The following CCBE1 variants were observed in gnomAD, a reference collection of about 807,000 sequenced individuals.
CCBE1 encodes the protein collagen and calcium binding EGF domains 1.
A neutral mutation model predicts 50.0 loss-of-function variants in CCBE1; 37 were observed. The observed-to-expected ratio is 0.74, with a 90% CI of 0.57 to 0.97. The LOEUF (loss-of-function observed/expected upper bound fraction) is 0.97, where lower values mean the gene tolerates loss of function less well. Among genes scored for constraint, CCBE1 ranks in the 50% least tolerant of loss-of-function variants. CCBE1 has a pLI of 0.00. For synonymous variants in CCBE1, 234 were observed against 203.7 expected, an observed-to-expected ratio of 1.15 and a Z score of -1.27; for missense variants, 538 against 523.8, an observed-to-expected ratio of 1.03 and a Z score of -0.26.
At chr18:59,670,829 TC>T (rs1274358587) in intron 2 of CCBE1, among the ~76,000 whole-genome samples, 1 of 152,038 alleles carries the variant, frequency 6.6e-6, no homozygotes, top group Non-Finnish European at 1.5e-5. Flanking sequence ...GCACCTGTAA[TC>T]CCAGCTACTT....
intron 2 of CCBE1, among the ~76,000 whole-genome samples, chr18:59,546,530 G>A (rs903138245): frequency 2.0e-5 from 3 of 152,206 alleles, no homozygotes; most frequent in Non-Finnish European, 4.4e-5. Context: ...TGCAGGAAAG[G>A]CCATATGAAG....
intron 7 of CCBE1, among the ~76,000 whole-genome samples, chr18:59,443,841 T>C (rs1910552738): frequency 6.6e-6 from 1 of 152,150 alleles, no homozygotes; most frequent in Admixed American, 6.5e-5. Context: ...AACAGATCTC[T>C]ATAACTTTCT....
intron 2 of CCBE1, among the ~76,000 whole-genome samples, chr18:59,555,601 G>A (rs952771198): frequency 3.0e-4 from 46 of 152,296 alleles, no homozygotes; most frequent in African/African-American, 9.9e-4. Flanking sequence ...TGCTCAGAAC[G>A]TGCAGAAGTT....
intron 2 of CCBE1, among the ~76,000 whole-genome samples, chr18:59,546,516 C>G (rs899558753): frequency 6.6e-6 from 1 of 152,192 alleles, no homozygotes; most frequent in Admixed American, 6.5e-5. Flanking sequence ...GAGGCCCAGT[C>G]CCCTGCAGGA....
intron 2 of CCBE1, among the ~76,000 whole-genome samples, chr18:59,694,401 C>G (rs1450625738): frequency 6.6e-6 from 1 of 151,152 alleles, no homozygotes; most frequent in Non-Finnish European, 1.5e-5. Context: ...TTTAGTTTAA[C>G]CTTTAGTTTA....
At chr18:59,617,664 CA>C (rs1020587947) in intron 2 of CCBE1, among the ~76,000 whole-genome samples, 35 of 152,334 alleles carry the variant, frequency 2.3e-4, no homozygotes, top group African/African-American at 7.9e-4. Context: ...GCCTTTGACT[CA>C]GGATACACAC....
intron 2 of CCBE1, among the ~76,000 whole-genome samples, chr18:59,654,657 T>G (rs1196019669): frequency 6.6e-6 from 1 of 151,640 alleles, no homozygotes; most frequent in African/African-American, 2.4e-5. Context: ...CCGGGCATGG[T>G]CGCACGCACC....
At chr18:59,480,040 A>C in intron 3 of CCBE1, 146 bp downstream of exon 3, 1 of 628,842 alleles carries the variant, frequency 1.6e-6, no homozygotes, top group South Asian at 2.2e-5. Flanking sequence ...GGCGTCAGAA[A>C]AATTTGATGC....
At position 59,628,071 on chromosome 18, in the gene CCBE1, G is replaced by T. The variant is rs186901189; in HGVS notation, c.212+68558C>A. Among the ~76,000 whole-genome samples the T allele has an allele frequency of 2.0e-5, 3 of 152,148 alleles. No homozygotes were observed. In the East Asian group the frequency reaches 5.8e-4, roughly 29 times the overall value. On this transcript the variant is annotated intron_variant, in intron 2 of 10. Coordinates refer to ENST00000439986, the MANE Select transcript of CCBE1 (RefSeq NM_133459.4). The stretch of plus-strand genomic sequence containing the variant: ...CTACAAAAAATACAAAAAATTATCC[G>T]AGTGTGGTGGTGCATGCCTGTAGTC...
rs533759403 is a variant in CCBE1, at chr18:59,673,257, C to T, written c.212+23372G>A. Among the ~76,000 whole-genome samples, 11 of 152,260 alleles carry T rather than the reference C, an allele frequency of 7.2e-5. No individual in the cohort carries two copies. The South Asian group carries it at 2.1e-3, about 29-fold the overall frequency. On this transcript the variant is annotated intron_variant, in intron 2 of 10. Transcript: ENST00000439986. ...CTTGAGGTCAGGAGTTTGAGACCAG[C>T]CTGGCCAACACGGCATAACCCTGTC...
At chr18:59,550,998 C>CAAAAAAAAAAAAAAA (rs555160847) in intron 2 of CCBE1, among the ~76,000 whole-genome samples, 137 of 71,372 alleles carry the variant, frequency 1.9e-3, no homozygotes, top group Non-Finnish European at 2.3e-3. Flanking sequence ...CAGCGAGACT[C>CAAAAAAAAAAAAAAA]AAAAAAAAAA....
Position 59,576,741 on chromosome 18 carries a change from T to C in CCBE1, c.213-96503A>G, listed in dbSNP as rs117010247. On this transcript the variant is annotated intron_variant, in intron 2 of 10. Transcript: ENST00000439986. Reference sequence around the variant, plus strand: ...TCCCTCCAATGCTTCTGTCTTGGTGTGAAACAAATGACTTCAGAAACACAG... The same window carrying C: ...TCCCTCCAATGCTTCTGTCTTGGTGCGAAACAAATGACTTCAGAAACACAG... Among the ~76,000 whole-genome samples the C allele has an allele frequency of 1.9e-3, 296 of 152,332 alleles. 4 individuals carry two copies. In the East Asian group the frequency reaches 0.03, roughly 15 times the overall value.
At chr18:59,456,004 T>A (rs1402533797) in intron 5 of CCBE1, among the ~76,000 whole-genome samples, 1 of 152,258 alleles carries the variant, frequency 6.6e-6, no homozygotes, top group Non-Finnish European at 1.5e-5. Flanking sequence ...TGCTTCTTAC[T>A]GTTCCTCTCT....
intron 2 of CCBE1, among the ~76,000 whole-genome samples, chr18:59,590,152 C>A (rs528317745): frequency 6.6e-6 from 1 of 152,282 alleles, no homozygotes; most frequent in Admixed American, 6.5e-5. Context: ...TACTTCTTAA[C>A]ATTAACATTC....
intron 2 of CCBE1, among the ~76,000 whole-genome samples, chr18:59,526,348 C>G (rs1179986901): frequency 6.9e-6 from 1 of 145,802 alleles, no homozygotes; most frequent in Non-Finnish European, 1.5e-5. Context: ...CTCACTCTGT[C>G]GGCACGGCTG....
At chr18:59,538,110 T>G (rs1026202177) in intron 2 of CCBE1, among the ~76,000 whole-genome samples, 1 of 152,204 alleles carries the variant, frequency 6.6e-6, no homozygotes, top group Non-Finnish European at 1.5e-5. Flanking sequence ...ACCTAAAGAC[T>G]TATGGTCCCA....
intron 2 of CCBE1, among the ~76,000 whole-genome samples, chr18:59,676,081 C>G (rs80064950): frequency 7.9e-4 from 121 of 152,286 alleles, no homozygotes; most frequent in South Asian, 2.3e-3. Context: ...TTATAGCCCC[C>G]GTAAATTAGC....
intron 5 of CCBE1, among the ~76,000 whole-genome samples, chr18:59,460,990 TGAG>T (rs202013912): frequency 0.014 from 2,073 of 148,154 alleles, 22 homozygotes; most frequent in South Asian, 0.023. Context: ...AATAAAAAAA[TGAG>T]GTCTTCACAT....
Position 59,689,370 on chromosome 18 carries a change from A to T in CCBE1, c.212+7259T>A, listed in dbSNP as rs139150984. Among the ~76,000 whole-genome samples the T allele has an allele frequency of 3.6e-3, 555 of 152,356 alleles. 3 individuals are homozygous for T. The highest frequency in any genetic ancestry group is 4.1e-3 in the Non-Finnish European group (280 of 68,026). On this transcript the variant is annotated intron_variant, in intron 2 of 10. Coordinates refer to ENST00000439986, the MANE Select transcript of CCBE1 (RefSeq NM_133459.4). ...GTGGTCCCAGTTTCTGAAGTCCTCAAGGTCATGGTAAGATGAACTAGTTCT... is the reference window on the plus strand; with the variant it reads ...GTGGTCCCAGTTTCTGAAGTCCTCATGGTCATGGTAAGATGAACTAGTTCT...
Sources: gnomAD v4.1 joint callset for allele counts (sites outside exome capture counted in the v4.1 genomes callset) on GRCh38, gnomAD v4.1.1 for gene constraint, MANE v1.5 for transcripts, NCBI Gene and HGNC (gene_info 2026-07-23, HGNC 2026-07-21) for gene names.